The following DOK6 variants were observed in gnomAD, a reference collection of about 807,000 sequenced individuals.
DOK6 encodes the protein docking protein 6, also known as downstream of tyrosine kinase 6.
Under a neutral mutation model 44.0 loss-of-function variants are expected in DOK6, and 22 were observed. The ratio of observed to expected loss-of-function variants is 0.50; its 90% CI spans 0.36 to 0.71. The LOEUF (loss-of-function observed/expected upper bound fraction) is 0.71. Among genes scored for constraint, DOK6 ranks in the 30% least tolerant of loss-of-function variants. The probability of loss-of-function intolerance (pLI) is 0.00; values close to 1 mark genes in which losing one functional copy is unlikely to be tolerated. For missense variants in DOK6, 340 were observed against 416.4 expected, an observed-to-expected ratio of 0.82 and a Z score of 1.60; for synonymous variants, 166 against 145.5, an observed-to-expected ratio of 1.14 and a Z score of -1.01.
intron 7 of DOK6, among the ~76,000 whole-genome samples, chr18:69,822,931 C>A (rs1981620810): frequency 6.6e-6 from 1 of 152,106 alleles, no homozygotes; most frequent in Admixed American, 6.6e-5. Flanking sequence ...TCACATTTAG[C>A]TTTATAGTAT....
At chr18:69,717,061 C>T (rs889609569) in intron 5 of DOK6, among the ~76,000 whole-genome samples, 2 of 152,166 alleles carry the variant, frequency 1.3e-5, no homozygotes, top group African/African-American at 4.8e-5. Flanking sequence ...TTTACCCACT[C>T]ACCAGTTGAG....
chr18:69,452,162 C>G (rs1406188830), intron 1 of DOK6, among the ~76,000 whole-genome samples: 1 of 151,724 alleles, frequency 6.6e-6, no homozygotes, highest in African/African-American at 2.4e-5. Context: ...TGATAGATCG[C>G]TAGCAAGACT....
chr18:69,669,256 T>A (rs1327639783), intron 3 of DOK6, among the ~76,000 whole-genome samples: 1 of 152,144 alleles, frequency 6.6e-6, no homozygotes, highest in Non-Finnish European at 1.5e-5. Flanking sequence ...CTCCTCCCAC[T>A]CTCCACCCTC....
intron 1 of DOK6, among the ~76,000 whole-genome samples, chr18:69,495,009 G>T (rs893612002): frequency 6.6e-6 from 1 of 152,186 alleles, no homozygotes; most frequent in Non-Finnish European, 1.5e-5. Flanking sequence ...GGTGTGTGAG[G>T]GAGCAAGCAT....
chr18:69,602,755 G>T (rs1983902119), intron 3 of DOK6, among the ~76,000 whole-genome samples: 2 of 152,050 alleles, frequency 1.3e-5, no homozygotes, highest in African/African-American at 4.8e-5. Flanking sequence ...TAATGTGGAA[G>T]TGAATAAAAA....
intron 1 of DOK6, among the ~76,000 whole-genome samples, chr18:69,498,599 T>C (rs1980961327): frequency 1.3e-5 from 2 of 152,232 alleles, no homozygotes; most frequent in South Asian, 2.1e-4. Context: ...TGAGTTTTAA[T>C]TGATAACTTA....
At chr18:69,742,425 AAAAGAAAAAG>A (rs1244947173) in intron 6 of DOK6, among the ~76,000 whole-genome samples, 1 of 137,130 alleles carries the variant, frequency 7.3e-6, no homozygotes, top group Non-Finnish European at 1.6e-5. Flanking sequence ...AAAAAAAAAA[AAAAGAAAAAG>A]AAAAAGAAAA....
At chr18:69,402,120 A>C (rs372857825) in intron 1 of DOK6, among the ~76,000 whole-genome samples, 23 of 152,180 alleles carry the variant, frequency 1.5e-4, no homozygotes, top group East Asian at 1.4e-3. Context: ...TTGGGACGCG[A>C]GAGAGAGGAT....
chr18:69,588,386 G>A (rs1344934147), intron 2 of DOK6, among the ~76,000 whole-genome samples: 1 of 152,126 alleles, frequency 6.6e-6, no homozygotes, highest in African/African-American at 2.4e-5. Context: ...TCCTCTCTCT[G>A]TGTTCTTCCA....
At chr18:69,469,359 A>G (rs998876830) in intron 1 of DOK6, among the ~76,000 whole-genome samples, 2 of 152,234 alleles carry the variant, frequency 1.3e-5, no homozygotes, top group Admixed American at 6.5e-5. Flanking sequence ...AAACTATATC[A>G]AATGCAAGAC....
chr18:69,568,977 T>C (rs567938811), intron 2 of DOK6, among the ~76,000 whole-genome samples: 25 of 152,048 alleles, frequency 1.6e-4, no homozygotes, highest in African/African-American at 5.3e-4. Flanking sequence ...TGTACTACAA[T>C]GTAATAATAG....
intron 5 of DOK6, 83 bp downstream of exon 5, chr18:69,698,676 C>A: frequency 7.4e-7 from 1 of 1,358,838 alleles, no homozygotes; most frequent in South Asian, 1.6e-5. Context: ...AGAGTGCTGT[C>A]CATCATTGCC....
chr18:69,839,828 C>G (rs958376747), intron 7 of DOK6, among the ~76,000 whole-genome samples: 13 of 152,168 alleles, frequency 8.5e-5, no homozygotes, highest in Admixed American at 6.5e-5. Context: ...GCAGGAGGTG[C>G]GAGGGAAAAG....
chr18:69,834,894 C>T (rs1981999674), intron 7 of DOK6, among the ~76,000 whole-genome samples: 1 of 152,134 alleles, frequency 6.6e-6, no homozygotes, highest in Non-Finnish European at 1.5e-5. Flanking sequence ...TTTTGCATGG[C>T]TGGGGAGGCC....
At chr18:69,568,011 C>G (rs950948618) in intron 2 of DOK6, among the ~76,000 whole-genome samples, 2 of 152,228 alleles carry the variant, frequency 1.3e-5, no homozygotes, top group African/African-American at 2.4e-5. Flanking sequence ...TCCCTCTCAG[C>G]CCAAGCTGGT....
In DOK6 at chr18:69,847,441, G is replaced by A. The variant is rs1482542120; in HGVS notation, c.*6058G>A. 6.6e-6 allele frequency: 1 copy of A among 152,184 alleles called. No individual in the cohort carries two copies. The highest frequency in any genetic ancestry group is 1.5e-5 in the Non-Finnish European group (1 of 68,032). 9.4% of individuals were successfully genotyped at this position (152,184 alleles called of 1,614,324 possible). ...TCAAGAGACCCACAGCCTCAAAAGA[G>A]TTGCTTATTATCAGATGTCCGAAAT... is the stretch of plus-strand genomic sequence containing the variant. On this transcript the variant is annotated 3_prime_UTR_variant, in exon 8 of 8. Coordinates refer to ENST00000382713, the MANE Select transcript of DOK6 (RefSeq NM_152721.6).
chr18:69,621,879 A>G (rs1241639585), intron 3 of DOK6, among the ~76,000 whole-genome samples: 1 of 152,212 alleles, frequency 6.6e-6, no homozygotes, highest in Non-Finnish European at 1.5e-5. Context: ...TTTGAAAAAT[A>G]AAAAATGATC....
intron 5 of DOK6, among the ~76,000 whole-genome samples, chr18:69,708,363 G>A (rs1986681992): frequency 6.6e-6 from 1 of 152,198 alleles, no homozygotes; most frequent in Admixed American, 6.5e-5. Flanking sequence ...GCATGAGCCA[G>A]CACTTTCCCT....
intron 1 of DOK6, among the ~76,000 whole-genome samples, chr18:69,467,806 A>G (rs1300558213): frequency 6.6e-6 from 1 of 152,134 alleles, no homozygotes; most frequent in Non-Finnish European, 1.5e-5. Flanking sequence ...ACTATGAAGT[A>G]TGCATTAGCT....
Sources: allele counts gnomAD v4.1 joint callset (sites outside exome capture counted in the v4.1 genomes callset), GRCh38; gene constraint gnomAD v4.1.1; transcripts MANE v1.5; gene names NCBI Gene and HGNC (gene_info 2026-07-23, HGNC 2026-07-21).